The following TRIOBP variants were observed in gnomAD, a reference collection of about 807,000 sequenced individuals.
TRIOBP encodes TRIO and F-actin-binding protein.
In TRIOBP, 169 loss-of-function variants were observed where a neutral mutation model predicts 238.8. The ratio of observed to expected loss-of-function variants is 0.71; its 90% CI spans 0.62 to 0.80. The LOEUF (loss-of-function observed/expected upper bound fraction) is 0.80. TRIOBP is among the 30% of genes least tolerant of loss of function. The pLI, the probability that TRIOBP is intolerant of heterozygous loss-of-function variation, is 0.00. For synonymous variants in TRIOBP, 1,150 were observed against 1,274.4 expected, an observed-to-expected ratio of 0.90 and a Z score of 2.08; for missense variants, 2,838 against 3,122.6, an observed-to-expected ratio of 0.91 and a Z score of 2.17.
chr22:37,766,377 A>G (rs1201516774), intron 18 of TRIOBP, among the ~76,000 whole-genome samples: 1 of 152,262 alleles, frequency 6.6e-6, no homozygotes, highest in African/African-American at 2.4e-5. Flanking sequence ...TTGCAGAACA[A>G]TAGAAATGCT....
At chr22:37,719,934 C>A (rs1351392924) in intron 6 of TRIOBP, among the ~76,000 whole-genome samples, 2 of 151,662 alleles carry the variant, frequency 1.3e-5, no homozygotes, top group African/African-American at 4.8e-5. Context: ...CAACCCAGCC[C>A]TCTACTGCGT....
intron 22 of TRIOBP, 151 bp downstream of exon 22, chr22:37,771,887 A>G: frequency 1.3e-6 from 1 of 741,574 alleles, no homozygotes; most frequent in South Asian, 1.5e-5. Flanking sequence ...CATCATCCCC[A>G]TTCACTGACA....
chr22:37,759,068 G>A, intron 16 of TRIOBP, 86 bp from the exon 17 acceptor site: 2 of 1,120,888 alleles, frequency 1.8e-6, no homozygotes, highest in African/African-American at 1.5e-5. Flanking sequence ...TATCCGTGTG[G>A]AGCTGGAAGC....
At chr22:37,743,869 GGGT>G (rs869040057) in intron 11 of TRIOBP, among the ~76,000 whole-genome samples, 5 of 12,822 alleles carry the variant, frequency 3.9e-4, no homozygotes, top group African/African-American at 3.0e-3. Flanking sequence ...AGTGTGTGCT[GGGT>G]GTGTGTGTGT....
chr22:37,733,016 G>A (rs780981367), intron 7 of TRIOBP, among the ~76,000 whole-genome samples: 6 of 152,242 alleles, frequency 3.9e-5, no homozygotes, highest in Non-Finnish European at 8.8e-5. Flanking sequence ...AGAGGGCCAT[G>A]GCCAGGGCCA....
At chr22:37,704,798 A>C (rs1172891011) in intron 3 of TRIOBP, among the ~76,000 whole-genome samples, 1 of 151,974 alleles carries the variant, frequency 6.6e-6, no homozygotes, top group Non-Finnish European at 1.5e-5. Context: ...CTGTAATCCC[A>C]GCACTTTGGG....
rs1924125314 is a variant in TRIOBP at position 37,725,920 on chromosome 22, G to C, written c.3364G>C (p.Ala1122Pro). 6 of 1,613,446 alleles carry C rather than the reference G, an allele frequency of 3.7e-6. No individual in the cohort carries two copies. The highest frequency in any genetic ancestry group is 1.3e-5 in the African/African-American group (1 of 74,832). Reference protein sequence around the residue: ...VCIGYRDAPRASSPPRQAPEP... With the variant: ...VCIGYRDAPRPSSPPRQAPEP... ...TATTGGGTACCGAGATGCACCCCGG[G>C]CCTCCTCCCCACCACGCCAGGCCCC... Residue 1122 changes from alanine to proline, a missense_variant, in exon 7 of 24, where the codon GCC becomes CCC. Coordinates refer to ENST00000644935, the MANE Select transcript of TRIOBP (RefSeq NM_001039141.3).
chr22:37,746,240 G>A, intron 11 of TRIOBP: 1 of 1,044,718 alleles, frequency 9.6e-7, no homozygotes, highest in Non-Finnish European at 1.2e-6. Context: ...AAAGTTTTAT[G>A]GGCGGATGGA....
At chr22:37,712,808 T>A (rs549407929) in intron 4 of TRIOBP, among the ~76,000 whole-genome samples, 11 of 151,424 alleles carry the variant, frequency 7.3e-5, no homozygotes, top group Non-Finnish European at 1.6e-4. Context: ...ATACAAAAAA[T>A]TAGCCAGGCG....
chr22:37,768,876 G>A (rs1297686467), intron 19 of TRIOBP, 152 bp from the exon 20 acceptor site: 7 of 1,019,202 alleles, frequency 6.9e-6, no homozygotes, highest in Non-Finnish European at 1.1e-5. Flanking sequence ...GCCCAGAGAA[G>A]CTGTCACTGG....
intron 12 of TRIOBP, 59 bp downstream of exon 12, chr22:37,751,887 G>A (rs1281120651): frequency 7.0e-7 from 1 of 1,426,642 alleles, no homozygotes; most frequent in Admixed American, 1.8e-5. Flanking sequence ...GGGCCCCTGG[G>A]CAGCCCAGGA....
At chr22:37,771,346 A>T (rs1569064696) in intron 21 of TRIOBP, among the ~76,000 whole-genome samples, 1 of 152,092 alleles carries the variant, frequency 6.6e-6, no homozygotes, top group Non-Finnish European at 1.5e-5. Context: ...AGGTTTATGT[A>T]GGGCTTCTTT....
At chr22:37,739,642 G>A (rs2145847021) in intron 10 of TRIOBP, among the ~76,000 whole-genome samples, 1 of 152,292 alleles carries the variant, frequency 6.6e-6, no homozygotes, top group South Asian at 2.1e-4. Context: ...CCCCGTCCCT[G>A]CCCCGATTTC....
rs1926020631 is a variant in TRIOBP, at chr22:37,757,846, A to T, written c.5921A>T (p.Glu1974Val). ...RTPDRLAKQE[E>V]LERDLAQRSE... ...CCTGACCGCCTGGCCAAGCAGGAGG[A>T]GCTGGAGCGGGACCTGGCCCAGCGC... is the stretch of plus-strand genomic sequence containing the variant. The change falls in exon 16 of 24, where the codon GAG becomes GTG. Residue 1974 changes from glutamate (E) to valine (V), a missense_variant. Glu to Val is a moderately radical substitution (Grantham distance 121). Around this residue, in one of 5 missense-constraint regions of TRIOBP, gnomAD observed 2,096 missense variants for 2,137.4 expected, o/e 0.98. Coordinates refer to ENST00000644935, the MANE Select transcript of TRIOBP (RefSeq NM_001039141.3). 6.4e-7 allele frequency: 1 copy of T among 1,551,226 alleles called. No homozygotes were observed. The highest frequency in any genetic ancestry group is 8.7e-7 in the Non-Finnish European group (1 of 1,147,436).
intron 17 of TRIOBP, among the ~76,000 whole-genome samples, chr22:37,761,459 AAAAAC>A (rs1298743091): frequency 2.0e-5 from 3 of 152,144 alleles, no homozygotes; most frequent in African/African-American, 4.8e-5. Context: ...AACAGCAACA[AAAAAC>A]AAAACAAACA....
chr22:37,726,620 G>C (rs971033049), intron 7 of TRIOBP, 117 bp downstream of exon 7: 1 of 1,119,996 alleles, frequency 8.9e-7, no homozygotes, highest in African/African-American at 1.6e-5. Context: ...GCCATTTACC[G>C]GCTGTGTGAC....
At chr22:37,736,731 T>G (rs966552557) in intron 9 of TRIOBP, among the ~76,000 whole-genome samples, 6 of 152,042 alleles carry the variant, frequency 3.9e-5, no homozygotes, top group Admixed American at 1.3e-4. Flanking sequence ...AGGTTCAAGC[T>G]ATTCTCCTGC....
At chr22:37,765,844 G>A in intron 18 of TRIOBP, 27 bp downstream of exon 18, 2 of 1,579,428 alleles carry the variant, frequency 1.3e-6, no homozygotes, top group Middle Eastern at 1.9e-4. Flanking sequence ...GGGCACAGTG[G>A]GCTGGGCTCT....
intron 11 of TRIOBP, chr22:37,750,788 A>T: frequency 2.1e-6 from 1 of 465,598 alleles, no homozygotes; most frequent in Non-Finnish European, 4.5e-6. Context: ...GGGTCGGGAG[A>T]GGTGGCCAGG....
Sources: allele counts gnomAD v4.1 joint callset (sites outside exome capture counted in the v4.1 genomes callset), GRCh38; gene constraint gnomAD v4.1.1; regional missense constraint gnomAD v4.1.1; transcripts MANE v1.5; gene names NCBI Gene and HGNC (gene_info 2026-07-23, HGNC 2026-07-21).